RBM11: variants seen among roughly 807,000 people sequenced by gnomAD.
RBM11 encodes the protein splicing regulator RBM11.
A neutral mutation model predicts 21.4 loss-of-function variants in RBM11; 18 were observed. The observed-to-expected ratio is 0.84, with a 90% CI of 0.58 to 1.25. The LOEUF is 1.25. Ranked by LOEUF, RBM11 falls within the 50% of genes most tolerant of loss-of-function variation. The pLI is 0.00. For missense variants in RBM11, 294 were observed against 331.9 expected, an observed-to-expected ratio of 0.89 and a Z score of 0.89; for synonymous variants, 120 against 116.3, an observed-to-expected ratio of 1.03 and a Z score of -0.20.
In RBM11 at chr21:14,228,172, C is replaced by T. The variant is rs1979268835; in HGVS notation, c.*879C>T. The T allele has an allele frequency of 6.6e-6, 1 of 151,780 alleles. No individual in the cohort carries two copies. The allele number at this position is 151,780 out of a possible 1,614,324, so 9.4% of individuals were successfully genotyped here. On this transcript the variant is annotated 3_prime_UTR_variant, in exon 5 of 5. Transcript: ENST00000400577. Reference sequence around the variant, plus strand: ...TAGAAGAAAAATAAAATTATTTGGGCATTTTTGTTTATAGCTCATTACAAA... The same window carrying T: ...TAGAAGAAAAATAAAATTATTTGGGTATTTTTGTTTATAGCTCATTACAAA...
intron 4 of RBM11, 112 bp downstream of exon 4, chr21:14,224,649 A>T: frequency 2.9e-6 from 4 of 1,399,034 alleles, no homozygotes; most frequent in Middle Eastern, 5.3e-4. Context: ...AAGGCACAAG[A>T]TGTCCCAGCA....
intron 3 of RBM11, chr21:14,221,438 T>G (rs955059908): frequency 1.1e-5 from 3 of 264,120 alleles, no homozygotes; most frequent in African/African-American, 6.8e-5. Context: ...TTAAATCATT[T>G]AAGCATACAA....
At position 14,224,508 on chromosome 21, in the gene RBM11, C is replaced by T; in HGVS notation, c.403C>T (p.Pro135Ser). The change falls in exon 4 of 5, where the codon CCT (proline) becomes TCT (serine). Residue 135 changes from proline (P) to serine (S), a missense_variant. Pro to Ser is a moderately conservative substitution (Grantham distance 74). This residue lies in a region of RBM11 where 181 missense variants were observed against 164.6 expected (regional missense o/e 1.10). Transcript: ENST00000400577. Reference protein sequence around the residue: ...QYFPINNTSLPQEYFLFQKMQ... With the variant: ...QYFPINNTSLSQEYFLFQKMQ... ...TTTTCCAATTAATAATACTTCTTTA[C>T]CTCAAGAATATTTTCTCTTTCAGAA... is the stretch of plus-strand genomic sequence containing the variant. 6.4e-7 allele frequency: 1 copy of T among 1,555,576 alleles called. No homozygotes were observed. The highest frequency in any genetic ancestry group is 8.7e-7 in the Non-Finnish European group (1 of 1,148,866).
intron 4 of RBM11, among the ~76,000 whole-genome samples, chr21:14,226,384 T>C (rs1021426789): frequency 6.6e-6 from 1 of 152,074 alleles, no homozygotes; most frequent in African/African-American, 2.4e-5. Flanking sequence ...TTTAGGAGGC[T>C]GAGGCGGGTG....
intron 2 of RBM11, 24 bp from the exon 3 acceptor site, chr21:14,221,072 AC>A (rs1476531769): frequency 4.6e-6 from 7 of 1,538,130 alleles, no homozygotes; most frequent in Non-Finnish European, 6.1e-6. Context: ...CCATGAAGTA[AC>A]CTGTTACTCT....
intron 4 of RBM11, 50 bp from the exon 5 acceptor site, chr21:14,226,830 T>C: frequency 1.9e-6 from 3 of 1,551,804 alleles, no homozygotes; most frequent in South Asian, 2.5e-5. Context: ...TAATTTTTTT[T>C]CCTTAACCTT....
At chr21:14,226,619 CAA>C (rs59480179) in intron 4 of RBM11, among the ~76,000 whole-genome samples, 18,932 of 131,650 alleles carry the variant, frequency 0.14, 1,416 homozygotes, top group Non-Finnish European at 0.2. Context: ...GACCCTGTCT[CAA>C]AAAAAAAAAA....
chr21:14,223,333 T>G (rs4817023), intron 3 of RBM11, among the ~76,000 whole-genome samples: 20,290 of 152,202 alleles, frequency 0.13, 1,661 homozygotes, highest in Non-Finnish European at 0.19. Context: ...AAATGGATTT[T>G]TATGCTTCTT....
chr21:14,216,694 T>C (rs571327475), intron 1 of RBM11, among the ~76,000 whole-genome samples: 70 of 152,276 alleles, frequency 4.6e-4, no homozygotes, highest in African/African-American at 1.7e-3. Flanking sequence ...TGCTCCTTCC[T>C]TCAAGCCCTT....
At chr21:14,224,672 GGTGTC>G in intron 4 of RBM11, 135 bp downstream of exon 4, 2 of 1,291,360 alleles carry the variant, frequency 1.5e-6, no homozygotes, top group Non-Finnish European at 2.1e-6. Flanking sequence ...GTCCTCCAGT[GGTGTC>G]CTGGCCTAAC....
intron 1 of RBM11, among the ~76,000 whole-genome samples, chr21:14,216,936 GAT>G (rs2020459472): frequency 6.6e-6 from 1 of 152,164 alleles, no homozygotes; most frequent in African/African-American, 2.4e-5. Context: ...TTGCCAAAAA[GAT>G]ACACTCATTC....
chr21:14,221,074 C>T (rs1600959410), intron 2 of RBM11, 23 bp from the exon 3 acceptor site: 6 of 1,544,816 alleles, frequency 3.9e-6, no homozygotes, highest in Non-Finnish European at 5.2e-6. Flanking sequence ...ATGAAGTAAC[C>T]TGTTACTCTG....
chr21:14,216,267 C>G lies in RBM11; in HGVS notation c.81C>G (p.Tyr27Ter). Residue 27 changes from tyrosine to a stop codon, truncating the protein, a stop_gained, in exon 1 of 5, where the codon TAC becomes TAG. Transcript: ENST00000400577. LOFTEE classifies it high-confidence loss of function. ...CCCGAGTTCGGGAAGAGATTCTGTACGAGCTGTTCCTTCAGGTACCGTCTC... is the reference window on the plus strand; with the variant it reads ...CCCGAGTTCGGGAAGAGATTCTGTAGGAGCTGTTCCTTCAGGTACCGTCTC... Reference protein sequence around the residue: ...LEARVREEILYELFLQAGPLT... With the variant: ...LEARVREEIL 6.2e-7 allele frequency: 1 copy of G among 1,613,526 alleles called. No homozygotes were observed. The highest frequency in any genetic ancestry group is 8.5e-7 in the Non-Finnish European group (1 of 1,179,668).
Position 14,223,261 on chromosome 21 carries a change from C to T in RBM11, c.333-1177C>T, listed in dbSNP as rs993187727. On this transcript the variant is annotated intron_variant, in intron 3 of 4. Coordinates refer to ENST00000400577, the MANE Select transcript of RBM11 (RefSeq NM_144770.5). ...GCATATAAAATGGGTTATCATGTCC[C>T]CAAAGTGATTTGCAGAGAAAAATGG... Among the ~76,000 whole-genome samples, 5 of 152,184 alleles carry T rather than the reference C, an allele frequency of 3.3e-5. No individual in the cohort carries two copies. In the East Asian group the frequency reaches 5.8e-4, roughly 18 times the overall value.
rs766104496 is a variant in RBM11, at chr21:14,216,273, G to A, written c.87G>A (p.Leu29=). 6.2e-7 allele frequency: 1 copy of A among 1,613,198 alleles called. No homozygotes were observed. The highest frequency in any genetic ancestry group is 8.5e-7 in the Non-Finnish European group (1 of 1,179,598). ...ARVREEILYE[L]FLQAGPLTKV... is the part of the protein sequence containing the mutation. The stretch of plus-strand genomic sequence containing the variant: ...TTCGGGAAGAGATTCTGTACGAGCT[G>A]TTCCTTCAGGTACCGTCTCTGGGAA... Residue 29 remains leucine, a synonymous_variant, in exon 1 of 5, where the codon CTG becomes CTA. Coordinates refer to ENST00000400577, the MANE Select transcript of RBM11 (RefSeq NM_144770.5).
intron 3 of RBM11, 162 bp from the exon 4 acceptor site, chr21:14,224,276 G>T: frequency 9.4e-7 from 1 of 1,063,074 alleles, no homozygotes; most frequent in Non-Finnish European, 1.3e-6. Context: ...GCTGAATTTT[G>T]GGGAGACATG....
At chr21:14,221,984 G>C (rs1456051597) in intron 3 of RBM11, among the ~76,000 whole-genome samples, 1 of 152,134 alleles carries the variant, frequency 6.6e-6, no homozygotes, top group Non-Finnish European at 1.5e-5. Flanking sequence ...GCTTTTTGAT[G>C]TATCACTTGT....
At position 14,226,899 on chromosome 21, in the gene RBM11, C is replaced by T. The variant is rs753597336; in HGVS notation, c.452C>T (p.Pro151Leu). 6.2e-7 allele frequency: 1 copy of T among 1,612,982 alleles called. No homozygotes were observed. Among genetic ancestry groups the T allele is most frequent in the Non-Finnish European group, 8.5e-7 (1 of 1,179,390 alleles). Reference protein sequence around the residue: ...FQKMQWHVYNPVLQLPYYEMT... With the variant: ...FQKMQWHVYNLVLQLPYYEMT... The stretch of plus-strand genomic sequence containing the variant: ...TCACAGCAGTGGCATGTGTATAATC[C>T]AGTGCTGCAGCTTCCTTACTATGAA... The change falls in exon 5 of 5, where the codon CCA becomes CTA. Residue 151 changes from proline to leucine, a missense_variant. Around this residue, in one of 2 missense-constraint regions of RBM11, gnomAD observed 113 missense variants for 167.3 expected, o/e 0.68. Transcript: ENST00000400577.
chr21:14,223,033 G>C (rs145024453), intron 3 of RBM11, among the ~76,000 whole-genome samples: 1 of 152,230 alleles, frequency 6.6e-6, no homozygotes, highest in African/African-American at 2.4e-5. Flanking sequence ...CAAGCTATTG[G>C]TAAGATTTAG....
Sources: gnomAD v4.1 joint callset for allele counts (sites outside exome capture counted in the v4.1 genomes callset) on GRCh38, gnomAD v4.1.1 for gene constraint, gnomAD v4.1.1 regional missense constraint, MANE v1.5 for transcripts, NCBI Gene and HGNC (gene_info 2026-07-23, HGNC 2026-07-21) for gene names.